Variants in PTPN3 observed in about 807,000 individuals in gnomAD.
The protein encoded by PTPN3 is protein tyrosine phosphatase non-receptor type 3.
Under a neutral mutation model 132.7 loss-of-function variants are expected in PTPN3, and 96 were observed. That is an observed-to-expected ratio of 0.72 (90% CI 0.61 to 0.86). The LOEUF (loss-of-function observed/expected upper bound fraction) is 0.86, where lower values mean the gene tolerates loss of function less well. PTPN3 is among the 40% of genes least tolerant of loss of function. The pLI is 0.00. For synonymous variants in PTPN3, 398 were observed against 429.0 expected (o/e 0.93, Z 0.89); for missense variants, 1,125 against 1,159.6 (o/e 0.97, Z 0.43).
chr9:109,424,100 G>A (rs1000070057), intron 12 of PTPN3, among the ~76,000 whole-genome samples: 2 of 152,144 alleles, frequency 1.3e-5, no homozygotes, highest in Admixed American at 6.5e-5. Flanking sequence ...GGAGCAAACT[G>A]CCCAACTCCA....
chr9:109,535,650 G>A, the PTPN3 span, among the ~76,000 whole-genome samples: 2 of 152,050 alleles, frequency 1.3e-5, no homozygotes. Context: ...GGGACTATAG[G>A]TGCGTGCCAC....
rs1451791963 is a variant in PTPN3, at chr9:109,379,220, G to C, written c.*336C>G. 1 of 251,834 alleles carries C rather than the reference G, an allele frequency of 4.0e-6. No individual in the cohort carries two copies. The highest frequency in any genetic ancestry group is 2.2e-5 in the African/African-American group (1 of 44,660). The allele number at this position is 251,834 out of a possible 1,614,324, so 15.6% of individuals were successfully genotyped here. A position where few individuals can be genotyped will look rare whatever the true frequency, so the allele number is the denominator to read the frequency against. On this transcript the variant is annotated 3_prime_UTR_variant, in exon 26 of 26. Coordinates refer to ENST00000374541, the MANE Select transcript of PTPN3 (RefSeq NM_002829.4). ...CCATCTTGTTGCTGGGAGGACAACA[G>C]CTCTGTGGGTGTCCGGTCTCAATTG...
chr9:109,513,001 A>G, the PTPN3 span, among the ~76,000 whole-genome samples: 1 of 152,148 alleles, frequency 6.6e-6, no homozygotes, highest in African/African-American at 2.4e-5. Context: ...TATATCTGAA[A>G]TGTTCTTAAT....
At chr9:109,510,138 A>G in the PTPN3 span, among the ~76,000 whole-genome samples, 1 of 152,252 alleles carries the variant, frequency 6.6e-6, no homozygotes, top group African/African-American at 2.4e-5. Flanking sequence ...GAAACATTGA[A>G]GTAATCTTAA....
intron 25 of PTPN3, among the ~76,000 whole-genome samples, chr9:109,381,383 G>C (rs933971522): frequency 2.0e-5 from 3 of 152,178 alleles, no homozygotes; most frequent in Non-Finnish European, 4.4e-5. Flanking sequence ...TGCGGGGGAG[G>C]ATAATGGACA....
chr9:109,476,154 G>C (rs922548982), intron 1 of PTPN3, among the ~76,000 whole-genome samples: 21 of 152,262 alleles, frequency 1.4e-4, no homozygotes, highest in Admixed American at 2.6e-4. Context: ...CGGTAACCCT[G>C]CTGGTTGCCA....
In PTPN3 at chr9:109,436,956, G is replaced by C; in HGVS notation, c.602C>G (p.Ser201Ter). Reference protein sequence around the residue: ...LHEQHSGLKQSEAESCYINIA... With the variant: ...LHEQHSGLKQ ...GTTGATATAGCAGGATTCTGCTTCTGATTGTTTTAGCCCACTACGGAAGAA... is the reference window on the plus strand; with the variant it reads ...GTTGATATAGCAGGATTCTGCTTCTCATTGTTTTAGCCCACTACGGAAGAA... The change falls in exon 9 of 26, where the codon TCA becomes TGA. Residue 201 changes from serine (S) to a stop codon, truncating the protein, a stop_gained. Coordinates refer to ENST00000374541, the MANE Select transcript of PTPN3 (RefSeq NM_002829.4). LOFTEE classifies it high-confidence loss of function. 4 of 1,614,080 alleles carry C rather than the reference G, an allele frequency of 2.5e-6. No homozygotes were observed. The highest frequency in any genetic ancestry group is 3.4e-6 in the Non-Finnish European group (4 of 1,179,988).
At chr9:109,403,594 T>C (rs1325482236) in intron 19 of PTPN3, among the ~76,000 whole-genome samples, 1 of 152,116 alleles carries the variant, frequency 6.6e-6, no homozygotes, top group Admixed American at 6.5e-5. Flanking sequence ...AATTTCAGCG[T>C]TTTGGAAGAC....
chr9:109,451,836 A>G (rs1845266807), intron 5 of PTPN3, among the ~76,000 whole-genome samples: 1 of 152,244 alleles, frequency 6.6e-6, no homozygotes, highest in African/African-American at 2.4e-5. Flanking sequence ...GGATGCCACA[A>G]ACCTGGGGCT....
At chr9:109,384,146 C>T (rs531496936) in intron 22 of PTPN3, among the ~76,000 whole-genome samples, 3 of 152,136 alleles carry the variant, frequency 2.0e-5, no homozygotes, top group East Asian at 1.9e-4. Context: ...GCTGGTGAGG[C>T]GGCCGGCGTG....
chr9:109,445,155 G>T, intron 7 of PTPN3, 85 bp downstream of exon 7: 2 of 1,386,152 alleles, frequency 1.4e-6, no homozygotes, highest in Non-Finnish European at 2.0e-6. Flanking sequence ...AGAGGGACTT[G>T]GTCAAGCAGG....
the PTPN3 span, among the ~76,000 whole-genome samples, chr9:109,518,975 C>T: frequency 1.3e-5 from 2 of 152,050 alleles, no homozygotes; most frequent in African/African-American, 2.4e-5. Context: ...CATTTTACTT[C>T]CTCCAGGAAG....
the PTPN3 span, chr9:109,534,372 C>A: frequency 6.8e-7 from 1 of 1,477,796 alleles, no homozygotes; most frequent in Middle Eastern, 2.4e-4. Flanking sequence ...GCGGCAGCTG[C>A]GGCTCCTCCC....
intron 1 of PTPN3, among the ~76,000 whole-genome samples, chr9:109,488,093 CTTT>C (rs766663409): frequency 8.3e-6 from 1 of 121,134 alleles, no homozygotes. Context: ...GAGGGAAGTA[CTTT>C]TTTTTTTTTT....
intron 1 of PTPN3, among the ~76,000 whole-genome samples, chr9:109,475,258 T>C (rs1275613724): frequency 6.6e-6 from 1 of 152,210 alleles, no homozygotes; most frequent in Non-Finnish European, 1.5e-5. Context: ...GTTTCAACAA[T>C]TCCAAGGTTA....
chr9:109,412,142 G>A (rs772914594), intron 14 of PTPN3, among the ~76,000 whole-genome samples: 4 of 151,944 alleles, frequency 2.6e-5, no homozygotes, highest in African/African-American at 9.7e-5. Flanking sequence ...TCCAGTTCTC[G>A]TTCTGTCTGT....
At chr9:109,469,378 G>T (rs1342115117) in intron 1 of PTPN3, among the ~76,000 whole-genome samples, 1 of 152,154 alleles carries the variant, frequency 6.6e-6, no homozygotes, top group African/African-American at 2.4e-5. Context: ...CAGCACTTTG[G>T]GAGGCCCAGG....
At chr9:109,496,078 A>C (rs1342067010) in intron 1 of PTPN3, among the ~76,000 whole-genome samples, 2 of 152,194 alleles carry the variant, frequency 1.3e-5, no homozygotes, top group Admixed American at 1.3e-4. Flanking sequence ...TATATTCCCC[A>C]GCTAATGTCT....
Position 109,441,607 on chromosome 9 carries a change from G to C in PTPN3, c.467-3373C>G, listed in dbSNP as rs142089901. Among the ~76,000 whole-genome samples, 53 of 152,312 alleles carry C rather than the reference G, an allele frequency of 3.5e-4. 2 individuals carry two copies. The highest frequency in any genetic ancestry group is 1.3e-3 in the African/African-American group (52 of 41,564). On this transcript the variant is annotated intron_variant, in intron 7 of 25. Coordinates refer to ENST00000374541, the MANE Select transcript of PTPN3 (RefSeq NM_002829.4). ...CCCTGAGGCTGGTACAGACCTCTAT[G>C]TGGCACAGGTGCAGGGAACATTCTG...
Sources: allele counts gnomAD v4.1 joint callset (sites outside exome capture counted in the v4.1 genomes callset), GRCh38; gene constraint gnomAD v4.1.1; transcripts MANE v1.5; gene names NCBI Gene and HGNC (gene_info 2026-07-23, HGNC 2026-07-21).